The following ARID3B variants were observed in gnomAD, a reference collection of about 807,000 sequenced individuals.
ARID3B encodes the protein AT-rich interaction domain 3B.
ARID3B carries 10 observed loss-of-function variants against 51.9 expected under a neutral mutation model. The ratio of observed to expected loss-of-function variants is 0.19; its 90% confidence interval spans 0.12 to 0.33. ARID3B has a LOEUF of 0.33. ARID3B is among the 10% of genes least tolerant of loss of function. The probability of loss-of-function intolerance (pLI) is 1.00; values close to 1 mark genes in which losing one functional copy is unlikely to be tolerated. For missense variants in ARID3B, 483 were observed against 716.3 expected (o/e 0.67, Z 3.72); for synonymous variants, 205 against 279.5 (o/e 0.73, Z 2.66).
chr15:74,576,618 G>A (rs1195584367), intron 4 of ARID3B, among the ~76,000 whole-genome samples: 2 of 151,746 alleles, frequency 1.3e-5, no homozygotes, highest in African/African-American at 2.4e-5. Flanking sequence ...CCAACATTGC[G>A]CCACTGCCCT....
chr15:74,558,620 C>G (rs559373858), intron 2 of ARID3B, among the ~76,000 whole-genome samples: 2 of 152,050 alleles, frequency 1.3e-5, no homozygotes, highest in Non-Finnish European at 2.9e-5. Context: ...CAAGTATCAA[C>G]AGTCTGCCAT....
At chr15:74,567,143 G>T (rs1416111534) in intron 2 of ARID3B, among the ~76,000 whole-genome samples, 2 of 152,056 alleles carry the variant, frequency 1.3e-5, no homozygotes, top group Admixed American at 1.3e-4. Flanking sequence ...TTTCCTTCTG[G>T]TATTCAAGGC....
intron 2 of ARID3B, among the ~76,000 whole-genome samples, chr15:74,551,285 C>T (rs2061636531): frequency 6.6e-6 from 1 of 152,216 alleles, no homozygotes; most frequent in Non-Finnish European, 1.5e-5. Flanking sequence ...GAGCCCTGAC[C>T]ACACTCTGGT....
chr15:74,572,792 T>G lies in ARID3B; in HGVS notation c.553-70T>G, dbSNP rs2061723653. 3 of 1,451,034 alleles carry G rather than the reference T, an allele frequency of 2.1e-6. No homozygotes were observed. In the South Asian group the frequency reaches 3.4e-5, roughly 17 times the overall value. The allele number at this position is 1,451,034 out of a possible 1,614,324, so 89.9% of individuals were successfully genotyped here. On this transcript the variant is annotated intron_variant, in intron 2 of 8. Transcript: ENST00000346246. ...CATCTTCATCTTTGCCCTAAATGAT[T>G]GCCTTGCCCTCTGTCCTAACTCTTT...
chr15:74,566,495 C>A (rs998210105), intron 2 of ARID3B, among the ~76,000 whole-genome samples: 1 of 151,542 alleles, frequency 6.6e-6, no homozygotes, highest in East Asian at 1.9e-4. Flanking sequence ...CCCAGCTGCT[C>A]AGGAGGCTGA....
intron 4 of ARID3B, among the ~76,000 whole-genome samples, chr15:74,580,211 C>A (rs1032305915): frequency 2.6e-5 from 4 of 152,148 alleles, no homozygotes; most frequent in African/African-American, 9.7e-5. Context: ...AAACGTGTTT[C>A]TTTGGCAAAC....
intron 8 of ARID3B, among the ~76,000 whole-genome samples, chr15:74,595,069 C>T (rs1014129008): frequency 6.6e-6 from 1 of 152,158 alleles, no homozygotes; most frequent in Non-Finnish European, 1.5e-5. Context: ...AGTCACCCAC[C>T]CCACCTGGCT....
chr15:74,595,629 A>G lies in ARID3B; in HGVS notation c.1538A>G (p.Lys513Arg). Residue 513 changes from lysine to arginine, a missense_variant, in exon 9 of 9, where the codon AAG becomes AGG. Lys to Arg is a conservative substitution (Grantham distance 26). This residue lies in a region of ARID3B where 265 missense variants were observed against 354.4 expected (regional missense o/e 0.75). Transcript: ENST00000346246. ...TTYAGVLFAQKPVVHLITGSA... is the reference protein window; with the variant it reads ...TTYAGVLFAQRPVVHLITGSA... ...CACCAAGGTGTGCTGTTTGCCCAGA[A>G]GCCTGTGGTCCACCTCATCACGGGG... 6.2e-7 allele frequency: 1 copy of G among 1,612,936 alleles called. No homozygotes were observed. Among genetic ancestry groups the G allele is most frequent in the Non-Finnish European group, 8.5e-7 (1 of 1,179,340 alleles).
intron 4 of ARID3B, among the ~76,000 whole-genome samples, chr15:74,585,030 C>T (rs2061775147): frequency 6.6e-6 from 1 of 152,172 alleles, no homozygotes; most frequent in African/African-American, 2.4e-5. Context: ...GCAGATAAGG[C>T]CCTGGATTCC....
chr15:74,579,828 CGTGTGTGTGTGTGTGTGTGT>C lies in ARID3B; in HGVS notation c.697+6650_697+6669del, dbSNP rs374538596. 2.3e-4 allele frequency among the ~76,000 whole-genome samples: 32 copies of C among 137,860 alleles called. No individual in the cohort carries two copies. In the East Asian group the frequency reaches 3.2e-3, roughly 14 times the overall value. 90.4% of individuals were successfully genotyped at this position (137,860 alleles called of 152,430 possible). On this transcript the variant is annotated intron_variant, in intron 4 of 8. Coordinates refer to ENST00000346246, the MANE Select transcript of ARID3B (RefSeq NM_006465.4). ...ATGCCCCTTTGGGCTCACCTGTTGCCGTGTGTGTGTGTGTGTGTGTGTGTGTGTGTGTGTGTGTGTGTGTG... is the reference window on the plus strand; with the variant it reads ...ATGCCCCTTTGGGCTCACCTGTTGCCGTGTGTGTGTGTGTGTGTGTGTGTG...
At chr15:74,553,363 A>G (rs2061644872) in intron 2 of ARID3B, among the ~76,000 whole-genome samples, 2 of 152,200 alleles carry the variant, frequency 1.3e-5, no homozygotes, top group Admixed American at 1.3e-4. Flanking sequence ...TTTTACGTTG[A>G]ACACATTTTT....
chr15:74,546,130 C>T (rs773518312), intron 2 of ARID3B, among the ~76,000 whole-genome samples: 19 of 152,172 alleles, frequency 1.2e-4, no homozygotes, highest in Non-Finnish European at 2.9e-5. Flanking sequence ...GAGATAGTGG[C>T]AGAGCTAGGA....
rs758114239 is a variant in ARID3B at position 74,593,127 on chromosome 15, G to A, written c.1421-11G>A. 5 of 1,611,638 alleles carry A rather than the reference G, an allele frequency of 3.1e-6. No individual in the cohort carries two copies. The highest frequency in any genetic ancestry group is 4.2e-6 in the Non-Finnish European group (5 of 1,179,444). On this transcript the variant is annotated splice_polypyrimidine_tract_variant and intron_variant, in intron 7 of 8. Coordinates refer to ENST00000346246, the MANE Select transcript of ARID3B (RefSeq NM_006465.4). ...GCTTGACCAGGCCCACTGTCTCCCT[G>A]TCCCCAGCAGAAGACAGAGCAGAGG...
At chr15:74,576,270 A>C (rs2061737065) in intron 4 of ARID3B, among the ~76,000 whole-genome samples, 4 of 152,154 alleles carry the variant, frequency 2.6e-5, no homozygotes, top group Non-Finnish European at 5.9e-5. Context: ...ACAACAACCA[A>C]AAATGTCTCT....
chr15:74,554,089 C>T (rs2061647830), intron 2 of ARID3B, among the ~76,000 whole-genome samples: 2 of 152,166 alleles, frequency 1.3e-5, no homozygotes, highest in South Asian at 4.1e-4. Flanking sequence ...TCATTACGAG[C>T]TCCGCCTCCT....
intron 2 of ARID3B, among the ~76,000 whole-genome samples, chr15:74,548,033 G>A (rs1465386993): frequency 6.6e-6 from 1 of 152,198 alleles, no homozygotes; most frequent in Non-Finnish European, 1.5e-5. Flanking sequence ...GATTGTTAAG[G>A]TGTGGTATTA....
At position 74,593,239 on chromosome 15, in the gene ARID3B, G is replaced by A. The variant is rs751404460; in HGVS notation, c.1519+3G>A. On this transcript the variant is annotated splice_donor_region_variant and intron_variant, in intron 8 of 8. Transcript: ENST00000346246. ...CATCGATGGCACCACCTATGCAGGTGAGGCCCTGGAGCTCTGGGGGAGGCC... is the reference window on the plus strand; with the variant it reads ...CATCGATGGCACCACCTATGCAGGTAAGGCCCTGGAGCTCTGGGGGAGGCC... 10 of 1,610,596 alleles carry A rather than the reference G, an allele frequency of 6.2e-6. No individual in the cohort carries two copies. In the East Asian group the frequency reaches 2.2e-4, roughly 36 times the overall value.
chr15:74,563,701 C>T (rs183758034), intron 2 of ARID3B, among the ~76,000 whole-genome samples: 7 of 152,216 alleles, frequency 4.6e-5, no homozygotes, highest in African/African-American at 1.7e-4. Flanking sequence ...TGGAGTAAGC[C>T]GTAGTGCTGC....
intron 2 of ARID3B, among the ~76,000 whole-genome samples, chr15:74,563,967 T>C (rs142432370): frequency 1.3e-5 from 2 of 152,336 alleles, no homozygotes; most frequent in Middle Eastern, 3.4e-3. Context: ...GCCCGCTTTC[T>C]ACAGCTTAAT....
Sources: allele counts gnomAD v4.1 joint callset (sites outside exome capture counted in the v4.1 genomes callset), GRCh38; gene constraint gnomAD v4.1.1; regional missense constraint gnomAD v4.1.1; transcripts MANE v1.5; gene names NCBI Gene and HGNC (gene_info 2026-07-23, HGNC 2026-07-21).